PNLDC1: variants seen among roughly 807,000 people sequenced by gnomAD.
PNLDC1 encodes the protein poly(A)-specific ribonuclease PNLDC1.
PNLDC1 carries 70 observed loss-of-function variants against 82.0 expected under a neutral mutation model. The observed-to-expected ratio is 0.85, with a 90% CI of 0.70 to 1.04. The LOEUF is 1.04. PNLDC1 is among the 50% of genes least tolerant of loss of function. The pLI is 0.00. For missense variants in PNLDC1, 631 were observed against 661.1 expected (o/e 0.95, Z 0.50); for synonymous variants, 280 against 249.3 (o/e 1.12, Z -1.16).
At chr6:159,814,058 CTCTT>C (rs1367855628) in intron 12 of PNLDC1, among the ~76,000 whole-genome samples, 2 of 152,170 alleles carry the variant, frequency 1.3e-5, no homozygotes, top group African/African-American at 4.8e-5. Flanking sequence ...GTGTCTCCAC[CTCTT>C]TCTGTCTCCC....
At chr6:159,817,268 G>A (rs1312652536) in intron 15 of PNLDC1, 117 bp downstream of exon 15, 2 of 950,224 alleles carry the variant, frequency 2.1e-6, no homozygotes, top group Non-Finnish European at 3.4e-6. Context: ...GAGAATGTGA[G>A]GTGTCACTGG....
intron 3 of PNLDC1, among the ~76,000 whole-genome samples, chr6:159,801,434 CTG>C (rs1025168629): frequency 6.6e-6 from 1 of 152,090 alleles, no homozygotes; most frequent in Non-Finnish European, 1.5e-5. Context: ...TCAAGTAAAA[CTG>C]TGTGTGTGCG....
Position 159,810,010 on chromosome 6 carries a change from G to C in PNLDC1, c.784-16G>C. ...ATTTTTTTATTTTCTCTCACCTGTT[G>C]ATTTACTCCAAGTAGCCCTTAGTGG... On this transcript the variant is annotated splice_polypyrimidine_tract_variant and intron_variant, in intron 9 of 18. Transcript: ENST00000392167. 6.2e-7 allele frequency: 1 copy of C among 1,607,936 alleles called. No homozygotes were observed. The highest frequency in any genetic ancestry group is 1.1e-5 in the South Asian group (1 of 90,938).
At chr6:159,816,165 AC>A in intron 13 of PNLDC1, 132 bp downstream of exon 13, 1 of 77,552 alleles carries the variant, frequency 1.3e-5, no homozygotes, top group Admixed American at 2.4e-4. Context: ...ACCCCCCCAC[AC>A]CCCTCCCCTC....
upstream of PNLDC1, chr6:159,800,222 T>A (rs1433870215): frequency 7.3e-7 from 1 of 1,367,664 alleles, no homozygotes; most frequent in East Asian, 2.5e-5. Context: ...GTGCGCCCTT[T>A]AAGACCCGGC....
intron 6 of PNLDC1, chr6:159,805,566 G>GA (rs1781417831): frequency 6.5e-6 from 1 of 154,036 alleles, no homozygotes; most frequent in South Asian, 2.0e-4. Context: ...ATCTCAAAAT[G>GA]ATGTTAGGTT....
At chr6:159,805,264 G>A (rs991778412) in intron 6 of PNLDC1, among the ~76,000 whole-genome samples, 1 of 152,176 alleles carries the variant, frequency 6.6e-6, no homozygotes, top group African/African-American at 2.4e-5. Context: ...TAGACGGACC[G>A]GGGGCCTTGG....
intron 12 of PNLDC1, among the ~76,000 whole-genome samples, chr6:159,814,584 A>C (rs1351752253): frequency 6.6e-6 from 1 of 152,148 alleles, no homozygotes; most frequent in Non-Finnish European, 1.5e-5. Flanking sequence ...AGTGCCTGCA[A>C]ATTCAGAAGT....
intron 11 of PNLDC1, among the ~76,000 whole-genome samples, chr6:159,812,659 TGTG>T (rs1473017020): frequency 6.6e-6 from 1 of 152,128 alleles, no homozygotes; most frequent in Non-Finnish European, 1.5e-5. Flanking sequence ...GTGATTCTGT[TGTG>T]GAGTCGAGGC....
intron 4 of PNLDC1, 28 bp from the exon 5 acceptor site, chr6:159,803,937 T>G: frequency 1.3e-6 from 2 of 1,594,066 alleles, no homozygotes; most frequent in South Asian, 1.1e-5. Flanking sequence ...GGTTGTGGCT[T>G]TTTCTCTGTA....
chr6:159,806,023 G>A lies in PNLDC1; in HGVS notation c.502G>A (p.Val168Met). The A allele has an allele frequency of 6.2e-7, 1 of 1,614,202 alleles. No individual in the cohort carries two copies. Among genetic ancestry groups the A allele is most frequent in the Non-Finnish European group, 8.5e-7 (1 of 1,180,042 alleles). The change falls in exon 7 of 19, where the codon GTG (valine) becomes ATG (methionine). Residue 168 changes from valine (V) to methionine (M), a missense_variant. Physicochemically the swap from Val to Met is conservative, Grantham distance 21. Coordinates refer to ENST00000392167, the MANE Select transcript of PNLDC1 (RefSeq NM_001271862.2). Reference protein sequence around the residue: ...KDQIKVVIDEVTRWLELAKEG... With the variant: ...KDQIKVVIDEMTRWLELAKEG... ...CCAAATCAAGGTGGTGATTGACGAA[G>A]TGACGCGGTGGCTGGAGCTGGCCAA...
At chr6:159,818,904 G>GA in intron 16 of PNLDC1, 42 bp from the exon 17 acceptor site, 1 of 1,596,850 alleles carries the variant, frequency 6.3e-7, no homozygotes, top group East Asian at 2.2e-5. Flanking sequence ...AAGAAGTCAG[G>GA]AAGAACTGTG....
At chr6:159,816,142 C>T (rs1583182074) in intron 13 of PNLDC1, 109 bp downstream of exon 13, 1 of 632,018 alleles carries the variant, frequency 1.6e-6, no homozygotes, top group Non-Finnish European at 2.5e-6. Context: ...ACCCACCCGC[C>T]ACACCCCTCC....
At chr6:159,811,856 G>T in intron 11 of PNLDC1, 70 bp downstream of exon 11, 1 of 1,195,080 alleles carries the variant, frequency 8.4e-7, no homozygotes, top group Non-Finnish European at 1.2e-6. Flanking sequence ...TTTCTCTTGT[G>T]GGGTTTTTTT....
At chr6:159,807,182 C>T (rs192462732) in intron 7 of PNLDC1, among the ~76,000 whole-genome samples, 116 of 152,190 alleles carry the variant, frequency 7.6e-4, no homozygotes, top group Middle Eastern at 3.4e-3. Context: ...CATGAGCCAC[C>T]GCACCCGGCC....
chr6:159,806,889 T>C (rs989324541), intron 7 of PNLDC1, among the ~76,000 whole-genome samples: 2 of 13,944 alleles, frequency 1.4e-4, no homozygotes, highest in Non-Finnish European at 2.2e-4. Context: ...ATTAGCTGCC[T>C]TTTTTTTTTT....
At position 159,803,260 on chromosome 6, in the gene PNLDC1, C is replaced by G. The variant is rs1191496230; in HGVS notation, c.209-11C>G. The G allele has an allele frequency of 6.2e-7, 1 of 1,613,774 alleles. No individual in the cohort carries two copies. The highest frequency in any genetic ancestry group is 1.1e-5 in the South Asian group (1 of 91,060). On this transcript the variant is annotated splice_polypyrimidine_tract_variant and intron_variant, in intron 3 of 18. Coordinates refer to ENST00000392167, the MANE Select transcript of PNLDC1 (RefSeq NM_001271862.2). ...CCTTGGCATTCATTCCCTCTACGGT[C>G]ATTCTTCCAGGATTGTCTGTGTTTT...
chr6:159,800,027 AT>A (rs988104240), upstream of PNLDC1, among the ~76,000 whole-genome samples: 1 of 152,204 alleles, frequency 6.6e-6, no homozygotes, highest in African/African-American at 2.4e-5. Flanking sequence ...TGTAAATGAC[AT>A]TCTCACGTTA....
rs1781653803 is a variant in PNLDC1 at position 159,811,785 on chromosome 6, A to G, written c.938A>G (p.Lys313Arg). ...DTKSVTKDIW[K>R]EMNFPRVSNL... ...AAGAGTGTAACAAAGGATATCTGGA[A>G]GGTAATGAATAGAACTGCTTTGGGT... is the stretch of plus-strand genomic sequence containing the variant. Residue 313 changes from lysine to arginine, a missense_variant and splice_region_variant, in exon 11 of 19, where the codon AAG becomes AGG. By Grantham distance (26) the Lys-to-Arg change is conservative. Coordinates refer to ENST00000392167, the MANE Select transcript of PNLDC1 (RefSeq NM_001271862.2). The G allele has an allele frequency of 6.2e-7, 1 of 1,605,510 alleles. No individual in the cohort carries two copies. The highest frequency in any genetic ancestry group is 1.3e-5 in the African/African-American group (1 of 74,700).
Sources: gnomAD v4.1 joint callset for allele counts (sites outside exome capture counted in the v4.1 genomes callset) on GRCh38, gnomAD v4.1.1 for gene constraint, MANE v1.5 for transcripts, NCBI Gene and HGNC (gene_info 2026-07-23, HGNC 2026-07-21) for gene names.